SLC37A1: variants seen among roughly 807,000 people sequenced by gnomAD.
The protein encoded by SLC37A1 is solute carrier family 37 member 1, also known as glucose-6-phosphate exchanger SLC37A1.
A neutral mutation model predicts 75.3 loss-of-function variants in SLC37A1; 49 were observed. The observed-to-expected ratio is 0.65, with a 90% CI of 0.52 to 0.83. The LOEUF is 0.83. Ranked by LOEUF, SLC37A1 falls within the 40% of genes least tolerant of loss-of-function variation. The pLI, the probability that SLC37A1 is intolerant of heterozygous loss-of-function variation, is 0.00. For missense variants in SLC37A1, 566 were observed against 695.0 expected (o/e 0.81, Z 2.09); for synonymous variants, 268 against 292.1 (o/e 0.92, Z 0.84).
rs2055573643 is a variant in SLC37A1, at chr21:42,552,115, A to G, written c.769-1947A>G. ...CTTGAGTCTGAGGGTGCTAATAAGA[A>G]TGTGTCTCTTTATGCTTCTGCCCTG... On this transcript the variant is annotated intron_variant, in intron 9 of 19. Coordinates refer to ENST00000352133, the MANE Select transcript of SLC37A1 (RefSeq NM_001320537.2). The surrounding 1 kb of genome is among the most constrained non-coding windows in gnomAD (Gnocchi z 4.2). Among the ~76,000 whole-genome samples the G allele has an allele frequency of 6.6e-6, 1 of 152,152 alleles. No individual in the cohort carries two copies. Among genetic ancestry groups the G allele is most frequent in the Non-Finnish European group, 1.5e-5 (1 of 68,028 alleles).
chr21:42,534,224 CCTT>C (rs2055073220), intron 3 of SLC37A1, among the ~76,000 whole-genome samples: 1 of 152,168 alleles, frequency 6.6e-6, no homozygotes, highest in Non-Finnish European at 1.5e-5. Flanking sequence ...ATGTCTGCCT[CCTT>C]CTGCTTCATG....
At position 42,535,576 on chromosome 21, in the gene SLC37A1, C is replaced by T. The variant is rs924935000; in HGVS notation, c.350+26C>T. ...GTAGGTCTCCTTCAGTTTTCCAGACCCTTCCTGGTTACCTGGCCCCTCCGT... is the reference window on the plus strand; with the variant it reads ...GTAGGTCTCCTTCAGTTTTCCAGACTCTTCCTGGTTACCTGGCCCCTCCGT... On this transcript the variant is annotated intron_variant, in intron 5 of 19. Transcript: ENST00000352133. 7 of 1,600,790 alleles carry T rather than the reference C, an allele frequency of 4.4e-6. No individual in the cohort carries two copies. In the African/African-American group the frequency reaches 9.4e-5, roughly 21 times the overall value.
intron 18 of SLC37A1, among the ~76,000 whole-genome samples, chr21:42,579,024 G>T (rs2056363231): frequency 6.6e-6 from 1 of 152,252 alleles, no homozygotes. Context: ...GTCCCACTTG[G>T]GGAGAGACTG....
At chr21:42,565,682 G>T (rs577793029) in intron 14 of SLC37A1, 145 bp from the exon 15 acceptor site, 1 of 676,132 alleles carries the variant, frequency 1.5e-6, no homozygotes, top group Non-Finnish European at 2.6e-6. Flanking sequence ...GGGAGGGGGC[G>T]TGGCCGTCAC....
At chr21:42,510,498 A>AT (rs1194080443), upstream of SLC37A1, among the ~76,000 whole-genome samples, 7 of 145,788 alleles carry the variant, frequency 4.8e-5, no homozygotes, top group Non-Finnish European at 9.0e-5. Context: ...CCAGAAAGCA[A>AT]TTTTTTAAAT....
intron 8 of SLC37A1, among the ~76,000 whole-genome samples, chr21:42,546,879 T>C (rs906303958): frequency 3.9e-5 from 6 of 152,248 alleles, no homozygotes; most frequent in African/African-American, 1.4e-4. Flanking sequence ...GTAAAAAGGT[T>C]ACTAGTAAAG....
chr21:42,561,940 A>G (rs1383129884), intron 11 of SLC37A1, 138 bp from the exon 12 acceptor site: 1 of 707,352 alleles, frequency 1.4e-6, no homozygotes, highest in Non-Finnish European at 2.5e-6. Context: ...CCTCCCCAGT[A>G]CGTGTCTGGA....
chr21:42,539,628 G>A lies in SLC37A1; in HGVS notation c.467G>A (p.Gly156Glu). ...LGYFYNIHSF[G>E]FYVVTQVING... is the part of the protein sequence containing the mutation. ...TATTTCTACAACATCCACAGTTTCG[G>A]ATTCTACGTGGTAACTCAGGTAAGG... is the stretch of plus-strand genomic sequence containing the variant. Residue 156 changes from glycine to glutamate, a missense_variant, in exon 6 of 20, where the codon GGA (glycine) becomes GAA (glutamate). Coordinates refer to ENST00000352133, the MANE Select transcript of SLC37A1 (RefSeq NM_001320537.2). 6.2e-7 allele frequency: 1 copy of A among 1,613,626 alleles called. No homozygotes were observed. The highest frequency in any genetic ancestry group is 8.5e-7 in the Non-Finnish European group (1 of 1,179,822).
chr21:42,566,912 C>A, intron 15 of SLC37A1, 73 bp from the exon 16 acceptor site: 1 of 1,509,650 alleles, frequency 6.6e-7, no homozygotes, highest in Non-Finnish European at 9.0e-7. Flanking sequence ...AGGCGCCCAC[C>A]TCAGGCTGCT....
At chr21:42,515,549 G>A (rs551609858) in intron 1 of SLC37A1, among the ~76,000 whole-genome samples, 5 of 152,262 alleles carry the variant, frequency 3.3e-5, no homozygotes, top group East Asian at 1.9e-4. Context: ...GATCACATGT[G>A]GGTGGGTCTG....
intron 5 of SLC37A1, among the ~76,000 whole-genome samples, chr21:42,536,673 C>A (rs1428781699): frequency 6.6e-6 from 1 of 152,212 alleles, no homozygotes; most frequent in African/African-American, 2.4e-5. Flanking sequence ...CTAGCAGAGG[C>A]CCCTGTGAGA....
chr21:42,500,310 C>T (rs1445376733), intron 1 of SLC37A1, among the ~76,000 whole-genome samples: 1 of 152,182 alleles, frequency 6.6e-6, no homozygotes, highest in East Asian at 1.9e-4. Flanking sequence ...CATGTAGAAT[C>T]GAAAACTTTT....
chr21:42,576,270 A>G (rs2056306662), intron 18 of SLC37A1, among the ~76,000 whole-genome samples: 1 of 152,076 alleles, frequency 6.6e-6, no homozygotes, highest in Non-Finnish European at 1.5e-5. Context: ...CAGGAAGACA[A>G]TGGGAATCTG....
intron 8 of SLC37A1, 118 bp from the exon 9 acceptor site, chr21:42,546,985 C>A: frequency 8.6e-7 from 1 of 1,169,176 alleles, no homozygotes; most frequent in South Asian, 1.3e-5. Context: ...GTGAATCCTG[C>A]ATACAGTCCA....
chr21:42,524,577 C>G (rs2054733494), intron 2 of SLC37A1, among the ~76,000 whole-genome samples: 1 of 152,182 alleles, frequency 6.6e-6, no homozygotes, highest in Admixed American at 6.5e-5. Context: ...AACCAAAGAG[C>G]CAAAAATAAA....
chr21:42,511,613 C>G (rs2054433919), upstream of SLC37A1, among the ~76,000 whole-genome samples: 1 of 152,294 alleles, frequency 6.6e-6, no homozygotes, highest in East Asian at 1.9e-4. Flanking sequence ...TATCAAGACC[C>G]TGTGTCTACA....
In SLC37A1 at chr21:42,539,527, G is replaced by A. The variant is rs1318367617; in HGVS notation, c.366G>A (p.Glu122=). The part of the protein sequence containing the change: ...VGMYLSGIIG[E]RLPIRYYLTF... ...TCCACCTCAGTGGCATCATTGGGGA[G>A]CGCCTGCCGATTAGGTATTACCTAA... is the stretch of plus-strand genomic sequence containing the variant. Residue 122 remains glutamate, a synonymous_variant, in exon 6 of 20, where the codon GAG becomes GAA. Transcript: ENST00000352133. 6.2e-7 allele frequency: 1 copy of A among 1,612,886 alleles called. No homozygotes were observed. Among genetic ancestry groups the A allele is most frequent in the Admixed American group, 1.7e-5 (1 of 59,790 alleles).
At chr21:42,536,422 A>G (rs73905682) in intron 5 of SLC37A1, among the ~76,000 whole-genome samples, 4 of 152,212 alleles carry the variant, frequency 2.6e-5, no homozygotes, top group Admixed American at 1.3e-4. Context: ...TATATGGGTC[A>G]TAGGACGTGT....
At chr21:42,543,669 C>T in intron 8 of SLC37A1, 67 bp downstream of exon 8, 2 of 1,495,090 alleles carry the variant, frequency 1.3e-6, no homozygotes, top group South Asian at 1.3e-5. Context: ...CTGGGTGGGC[C>T]TTGGGGGCGA....
Sources: gnomAD v4.1 joint callset for allele counts (sites outside exome capture counted in the v4.1 genomes callset) on GRCh38, gnomAD v4.1.1 for gene constraint, Gnocchi (gnomAD v3.1) non-coding constraint, MANE v1.5 for transcripts, NCBI Gene and HGNC (gene_info 2026-07-23, HGNC 2026-07-21) for gene names.